GMNC: variants seen among roughly 807,000 people sequenced by gnomAD.
The protein encoded by GMNC is geminin coiled-coil domain-containing protein 1.
A neutral mutation model predicts 33.6 loss-of-function variants in GMNC; 16 were observed. The ratio of observed to expected loss-of-function variants is 0.48; its 90% CI spans 0.32 to 0.72. The LOEUF (loss-of-function observed/expected upper bound fraction) is 0.72. Among genes scored for constraint, GMNC ranks in the 30% least tolerant of loss-of-function variants. The probability of loss-of-function intolerance (pLI) is 0.03; values close to 1 mark genes in which losing one functional copy is unlikely to be tolerated. For synonymous variants in GMNC, 156 were observed against 147.3 expected, an observed-to-expected ratio of 1.06 and a Z score of -0.43; for missense variants, 393 against 388.9, an observed-to-expected ratio of 1.01 and a Z score of -0.09.
downstream of GMNC, among the ~76,000 whole-genome samples, chr3:190,850,717 G>C (rs530865522): frequency 9.9e-5 from 15 of 152,256 alleles, no homozygotes; most frequent in South Asian, 2.5e-3. Flanking sequence ...GCTGGTTTTA[G>C]CTGAACAAAG....
chr3:190,860,850 A>G lies in GMNC; in HGVS notation c.12T>C (p.Ile4=). 1.3e-6 allele frequency: 2 copies of G among 1,547,792 alleles called. No homozygotes were observed. Among genetic ancestry groups the G allele is most frequent in the Non-Finnish European group, 1.7e-6 (2 of 1,144,410 alleles). Residue 4 remains isoleucine, a synonymous_variant, in exon 2 of 5, where the codon ATT becomes ATC. Transcript: ENST00000442080. ...CAAAGTACTGGTCTTGGCAAGGCAG[A>G]ATGGTGTTCTGTGAAATTCAGTATG... MNT[I]LPCQDQYFVG... is the part of the protein sequence containing the mutation.
rs532663479 is a variant in GMNC at position 190,855,294 on chromosome 3, A to G, written c.*1T>C. On this transcript the variant is annotated 3_prime_UTR_variant, in exon 5 of 5. Coordinates refer to ENST00000442080, the MANE Select transcript of GMNC (RefSeq NM_001146686.3). ...AGTGCTTTGTGATAAAAGAGGGGTC[A>G]CTAAGACTGCTTAGGGACCCAGGTA... The G allele has an allele frequency of 5.2e-6, 8 of 1,550,952 alleles. No individual in the cohort carries two copies. In the African/African-American group the frequency reaches 1.1e-4, roughly 21 times the overall value.
chr3:190,848,375 T>A (rs1347542270), downstream of GMNC, among the ~76,000 whole-genome samples: 2 of 152,332 alleles, frequency 1.3e-5, no homozygotes, highest in South Asian at 2.1e-4. Flanking sequence ...TTGTTCTACC[T>A]CTATGTCTAC....
intron 2 of GMNC, among the ~76,000 whole-genome samples, 190 bp from the exon 3 acceptor site, chr3:190,859,206 T>G (rs1737810955): frequency 6.6e-6 from 1 of 152,178 alleles, no homozygotes; most frequent in Non-Finnish European, 1.5e-5. Flanking sequence ...AGACAAATAT[T>G]TATATGCTGT....
chr3:190,857,135 A>C (rs1737763425), intron 4 of GMNC, among the ~76,000 whole-genome samples: 1 of 148,872 alleles, frequency 6.7e-6, no homozygotes, highest in Non-Finnish European at 1.5e-5. Context: ...GATAATAAAA[A>C]ATTGAAAGGC....
chr3:190,847,643 A>C, the GMNC span, among the ~76,000 whole-genome samples: 1 of 152,166 alleles, frequency 6.6e-6, no homozygotes, highest in Non-Finnish European at 1.5e-5. Flanking sequence ...TGCTGCAGCC[A>C]GTGACTATAT....
rs1737854983 is a variant in GMNC, at chr3:190,861,036, A to G, written c.4-178T>C. 6.6e-6 allele frequency among the ~76,000 whole-genome samples: 1 copy of G among 152,222 alleles called. No individual in the cohort carries two copies. Among genetic ancestry groups the G allele is most frequent in the Non-Finnish European group, 1.5e-5 (1 of 68,044 alleles). On this transcript the variant is annotated intron_variant, in intron 1 of 4. Transcript: ENST00000442080. This position sits in a 1 kb window ranked among gnomAD's most constrained non-coding sequence, Gnocchi z 5.1. Reference sequence around the variant, plus strand: ...ATTTTGGGGTGGTCAAATTATAATTACTAAAAGGGAATGAGTTTCTTGGTT... The same window carrying G: ...ATTTTGGGGTGGTCAAATTATAATTGCTAAAAGGGAATGAGTTTCTTGGTT...
downstream of GMNC, among the ~76,000 whole-genome samples, chr3:190,851,597 T>C (rs1737634312): frequency 6.6e-6 from 1 of 152,202 alleles, no homozygotes. Context: ...CAGCTGAGCC[T>C]GAAACGGAGG....
downstream of GMNC, among the ~76,000 whole-genome samples, chr3:190,851,663 C>G (rs188879488): frequency 3.3e-5 from 5 of 152,264 alleles, no homozygotes; most frequent in East Asian, 1.9e-4. Context: ...ATTAATCATA[C>G]TACTATTTCA....
downstream of GMNC, among the ~76,000 whole-genome samples, chr3:190,849,461 T>C (rs11915073): frequency 0.01 from 1,586 of 152,288 alleles, 26 homozygotes; most frequent in African/African-American, 0.037. Context: ...TTTTGCCTGA[T>C]TATAACAAGG....
At position 190,853,102 on chromosome 3, in the gene GMNC, G is replaced by T. The variant is rs1456734381; in HGVS notation, c.*2193C>A. The T allele has an allele frequency of 3.3e-5, 5 of 152,006 alleles. No individual in the cohort carries two copies. Among genetic ancestry groups the T allele is most frequent in the Admixed American group, 6.6e-5 (1 of 15,252 alleles). 9.4% of individuals were successfully genotyped at this position (152,006 alleles called of 1,614,324 possible). On this transcript the variant is annotated 3_prime_UTR_variant, in exon 5 of 5. Transcript: ENST00000442080. ...AAGTTTCATTTAAAAGCTATCAAAA[G>T]CTATGACATTTTACATGGTTTTGTA... is the stretch of plus-strand genomic sequence containing the variant.
chr3:190,847,531 G>T, the GMNC span, among the ~76,000 whole-genome samples: 1 of 152,126 alleles, frequency 6.6e-6, no homozygotes, highest in Non-Finnish European at 1.5e-5. Flanking sequence ...CTGAACTTCT[G>T]CAGTGTTTCA....
chr3:190,855,881 T>C lies in GMNC; in HGVS notation c.419A>G (p.Tyr140Cys), dbSNP rs2108530484. The C allele has an allele frequency of 2.6e-6, 4 of 1,550,766 alleles. No individual in the cohort carries two copies. The highest frequency in any genetic ancestry group is 3.5e-6 in the Non-Finnish European group (4 of 1,146,204). Residue 140 changes from tyrosine (Y) to cysteine (C), a missense_variant, in exon 5 of 5, where the codon TAT (tyrosine) becomes TGT (cysteine). Physicochemically the swap from Tyr to Cys is radical, Grantham distance 194 (BLOSUM62 -2). Transcript: ENST00000442080. ...LLSSDEFSKA[Y>C]GKFRKGKRKS... ...TCTCTTCCCCTTCCTGAATTTTCCA[T>C]ATGCTTTGGAGAACTCATCAGATGA... is the stretch of plus-strand genomic sequence containing the variant.
At chr3:190,859,093 C>A in intron 2 of GMNC, 77 bp from the exon 3 acceptor site, 1 of 901,458 alleles carries the variant, frequency 1.1e-6, no homozygotes, top group Non-Finnish European at 1.7e-6. Flanking sequence ...CAAATCAAAT[C>A]AGAAAGTTTA....
rs149526885 is a variant in GMNC, at chr3:190,861,429, ATCTG to A, written c.4-575_4-572del. Reference sequence around the variant, plus strand: ...CTGCTGGCTCATAGTCCATCAATCTATCTGTCTGTCTGTCTGTCTGCCTATCATC... The same window carrying A: ...CTGCTGGCTCATAGTCCATCAATCTATCTGTCTGTCTGTCTGCCTATCATC... On this transcript the variant is annotated intron_variant, in intron 1 of 4. Transcript: ENST00000442080. The surrounding 1 kb of genome is among the most constrained non-coding windows in gnomAD (Gnocchi z 5.1). Among the ~76,000 whole-genome samples the A allele has an allele frequency of 1.2e-4, 18 of 150,886 alleles. No individual in the cohort carries two copies. Among genetic ancestry groups the A allele is most frequent in the Non-Finnish European group, 1.6e-4 (11 of 67,452 alleles).
chr3:190,848,567 A>C (rs78669161), downstream of GMNC, among the ~76,000 whole-genome samples: 39 of 152,342 alleles, frequency 2.6e-4, no homozygotes, highest in East Asian at 7.3e-3. Context: ...GTTGAATTTC[A>C]TCAGTAAAAA....
intron 2 of GMNC, 35 bp from the exon 3 acceptor site, chr3:190,859,051 T>C: frequency 8.2e-7 from 1 of 1,226,428 alleles, no homozygotes; most frequent in Non-Finnish European, 1.2e-6. Context: ...GAGAAAATAA[T>C]CTTGTAGTTT....
the GMNC span, among the ~76,000 whole-genome samples, chr3:190,845,287 A>G: frequency 4.6e-5 from 7 of 152,262 alleles, no homozygotes; most frequent in Admixed American, 4.6e-4. Context: ...AGATTTTGCA[A>G]CATGAGGCAA....
rs1460483730 is a variant in GMNC, at chr3:190,862,256, A to G, written c.3+357T>C. On this transcript the variant is annotated intron_variant, in intron 1 of 4. Coordinates refer to ENST00000442080, the MANE Select transcript of GMNC (RefSeq NM_001146686.3). The surrounding 1 kb of genome is among the most constrained non-coding windows in gnomAD (Gnocchi z 4.5). ...AATATCCCTAGACAAGTTCATGTCC[A>G]AGTGTTTGCAAATATATGCATAATC... 2.0e-5 allele frequency among the ~76,000 whole-genome samples: 3 copies of G among 152,104 alleles called. No homozygotes were observed. The highest frequency in any genetic ancestry group is 4.4e-5 in the Non-Finnish European group (3 of 67,998).
Sources: gnomAD v4.1 joint callset for allele counts (sites outside exome capture counted in the v4.1 genomes callset) on GRCh38, gnomAD v4.1.1 for gene constraint, Gnocchi (gnomAD v3.1) non-coding constraint, MANE v1.5 for transcripts, NCBI Gene and HGNC (gene_info 2026-07-23, HGNC 2026-07-21) for gene names.